ABCA7: variants seen among roughly 807,000 people sequenced by gnomAD.
The protein encoded by ABCA7 is ATP binding cassette subfamily A member 7, also known as phospholipid-transporting ATPase ABCA7.
ABCA7 carries 261 observed loss-of-function variants against 227.6 expected under a neutral mutation model. The observed-to-expected ratio is 1.15, with a 90% CI of 1.04 to 1.27. The LOEUF is 1.27. ABCA7 is among the 50% of genes most tolerant of loss of function. The probability of loss-of-function intolerance (pLI) is 0.00; values close to 1 mark genes in which losing one functional copy is unlikely to be tolerated. For missense variants in ABCA7, 3,331 were observed against 2,924.5 expected, an observed-to-expected ratio of 1.14 and a Z score of -3.21; for synonymous variants, 1,488 against 1,279.7, an observed-to-expected ratio of 1.16 and a Z score of -3.47.
chr19:1,063,709 G>C, intron 43 of ABCA7, 31 bp downstream of exon 43: 1 of 1,559,984 alleles, frequency 6.4e-7, no homozygotes, highest in Non-Finnish European at 8.7e-7. Flanking sequence ...GGTGGGGTGG[G>C]GCCTGCGACG....
In ABCA7 at chr19:1,046,828, T is replaced by G; in HGVS notation, c.1649T>G (p.Leu550Arg). Reference protein sequence around the residue: ...DVFLRVLSRSLPLFLTLAWIY... With the variant: ...DVFLRVLSRSRPLFLTLAWIY... Reference sequence around the variant, plus strand: ...TTCCTGCGTGTGCTGAGCCGGTCGCTGCCGCTCTTCCTGACGCTGGCCTGG... The same window carrying G: ...TTCCTGCGTGTGCTGAGCCGGTCGCGGCCGCTCTTCCTGACGCTGGCCTGG... The change falls in exon 14 of 47, where the codon CTG becomes CGG. Residue 550 changes from leucine to arginine, a missense_variant. Leu to Arg is a moderately radical substitution (Grantham distance 102). Coordinates refer to ENST00000263094, the MANE Select transcript of ABCA7 (RefSeq NM_019112.4). 6.5e-7 allele frequency: 1 copy of G among 1,539,510 alleles called. No individual in the cohort carries two copies. Among genetic ancestry groups the G allele is most frequent in the South Asian group, 1.2e-5 (1 of 84,116 alleles).
chr19:1,044,902 G>A, intron 11 of ABCA7, 100 bp from the exon 12 acceptor site: 2 of 1,519,176 alleles, frequency 1.3e-6, no homozygotes, highest in South Asian at 1.2e-5. Context: ...GGGCCTACGA[G>A]GGGAAAACAT....
At position 1,054,132 on chromosome 19, in the gene ABCA7, TG is replaced by T. The variant is rs2042029029; in HGVS notation, c.3577+26del. The T allele has an allele frequency of 2.5e-6, 4 of 1,612,656 alleles. No homozygotes were observed. Among genetic ancestry groups the T allele is most frequent in the East Asian group, 4.5e-5 (2 of 44,872 alleles). ...CCAGGTAAGTCCTTCCCAGTGGCCCTGGGGTCCTCCCAGCCACCCCCCCACA... is the reference window on the plus strand; with the variant it reads ...CCAGGTAAGTCCTTCCCAGTGGCCCTGGGTCCTCCCAGCCACCCCCCCACA... On this transcript the variant is annotated intron_variant, in intron 26 of 46. Transcript: ENST00000263094. This position sits in a 1 kb window ranked among gnomAD's most constrained non-coding sequence, Gnocchi z 4.8.
intron 6 of ABCA7, 96 bp from the exon 7 acceptor site, chr19:1,042,650 G>A (rs780328209): frequency 7.8e-7 from 1 of 1,284,564 alleles, no homozygotes; most frequent in Admixed American, 1.7e-5. Flanking sequence ...GTAAAGTGGG[G>A]GCTATGATAG....
At chr19:1,046,727 A>G in intron 13 of ABCA7, 75 bp from the exon 14 acceptor site, 1 of 1,412,468 alleles carries the variant, frequency 7.1e-7, no homozygotes, top group Non-Finnish European at 9.6e-7. Context: ...GACACGAACC[A>G]GTCGTGCCAG....
intron 34 of ABCA7, 35 bp from the exon 35 acceptor site, chr19:1,057,279 T>A: frequency 3.1e-6 from 5 of 1,610,430 alleles, no homozygotes; most frequent in Non-Finnish European, 4.2e-6. Flanking sequence ...CCCACCTCTT[T>A]AGGCTGATAA....
In ABCA7 at chr19:1,051,035, C is replaced by A; in HGVS notation, c.2667C>A (p.Tyr889Ter). The A allele has an allele frequency of 6.2e-7, 1 of 1,611,662 alleles. No homozygotes were observed. Among genetic ancestry groups the A allele is most frequent in the South Asian group, 1.1e-5 (1 of 90,978 alleles). Residue 889 changes from tyrosine (Y) to a stop codon, truncating the protein, a stop_gained, in exon 19 of 47, where the codon TAC (tyrosine) becomes TAA (stop). Transcript: ENST00000263094. LOFTEE classifies it high-confidence loss of function. ...IRPHLGVCPQ[Y>*]NVLFDMLTVD... ...CCCACCTGGGCGTCTGTCCTCAGTA[C>A]AACGTGCTGTTTGACATGTGCGTCT... is the stretch of plus-strand genomic sequence containing the variant.
intron 41 of ABCA7, 126 bp from the exon 42 acceptor site, chr19:1,062,046 G>C: frequency 6.7e-7 from 1 of 1,487,690 alleles, no homozygotes; most frequent in Non-Finnish European, 9.1e-7. Flanking sequence ...CGCGGACCAG[G>C]CCCTGAGACA....
In ABCA7 at chr19:1,045,107, T is replaced by G; in HGVS notation, c.1321T>G (p.Leu441Val). The change falls in exon 12 of 47, where the codon TTG becomes GTG. Residue 441 changes from leucine to valine, a missense_variant. Coordinates refer to ENST00000263094, the MANE Select transcript of ABCA7 (RefSeq NM_019112.4). The part of the protein sequence containing the change: ...EHRFWAGVVF[L>V]GPEDSSDPTE... Reference sequence around the variant, plus strand: ...TCGATTCTGGGCCGGCGTCGTCTTCTTGGGACCTGAGGACTCTTCAGACCC... The same window carrying G: ...TCGATTCTGGGCCGGCGTCGTCTTCGTGGGACCTGAGGACTCTTCAGACCC... The G allele has an allele frequency of 6.2e-7, 1 of 1,612,932 alleles. No individual in the cohort carries two copies. The highest frequency in any genetic ancestry group is 8.5e-7 in the Non-Finnish European group (1 of 1,179,972).
Position 1,043,112 on chromosome 19 carries a change from G to A in ABCA7, c.651G>A (p.Leu217=). ...LQRPRGTSGP[L]ELLSEALCSV... Reference sequence around the variant, plus strand: ...GACCCCGAGGGACCAGCGGCCCCCTGGAGTTGCTGTCAGAGGCCCTCTGCA... The same window carrying A: ...GACCCCGAGGGACCAGCGGCCCCCTAGAGTTGCTGTCAGAGGCCCTCTGCA... The change falls in exon 8 of 47, where the codon CTG becomes CTA. Residue 217 remains leucine (L), a synonymous_variant. Coordinates refer to ENST00000263094, the MANE Select transcript of ABCA7 (RefSeq NM_019112.4). The A allele has an allele frequency of 6.2e-7, 1 of 1,612,606 alleles. No individual in the cohort carries two copies. The highest frequency in any genetic ancestry group is 8.5e-7 in the Non-Finnish European group (1 of 1,179,652).
Position 1,056,040 on chromosome 19 carries a change from C to T in ABCA7, c.4239-26C>T. On this transcript the variant is annotated intron_variant, in intron 31 of 46. Coordinates refer to ENST00000263094, the MANE Select transcript of ABCA7 (RefSeq NM_019112.4). The surrounding 1 kb of genome is among the most constrained non-coding windows in gnomAD (Gnocchi z 4.3). The stretch of plus-strand genomic sequence containing the variant: ...CCCGGCCCCCCCGGCCCTCAGCTCC[C>T]CTTCCCTGCCTGCATGGCCCCACAG... The T allele has an allele frequency of 6.4e-7, 1 of 1,565,032 alleles. No homozygotes were observed. Among genetic ancestry groups the T allele is most frequent in the Non-Finnish European group, 8.7e-7 (1 of 1,151,504 alleles).
At chr19:1,060,207 A>ATATATATATATATATATATATT in intron 40 of ABCA7, among the ~76,000 whole-genome samples, 2 of 96,770 alleles carry the variant, frequency 2.1e-5, no homozygotes, top group African/African-American at 7.0e-5. Context: ...ATATATATAT[A>ATATATATATATATATATATATT]TTTTTTTTTC....
intron 16 of ABCA7, 55 bp from the exon 17 acceptor site, chr19:1,048,840 G>A (rs117485438): frequency 0.044 from 41,646 of 938,664 alleles, 1,356 homozygotes; most frequent in East Asian, 0.15. Context: ...CCCAAAAAAA[G>A]CCTGGTACAC....
At position 1,049,322 on chromosome 19, in the gene ABCA7, G is replaced by C. The variant is rs1236850133; in HGVS notation, c.2437G>C (p.Glu813Gln). Residue 813 changes from glutamate to glutamine, a missense_variant, in exon 18 of 47, where the codon GAG (glutamate) becomes CAG (glutamine). Coordinates refer to ENST00000263094, the MANE Select transcript of ABCA7 (RefSeq NM_019112.4). ...TCCTGGCGTCTCCGTTCGCAGCCTG[G>C]AGAAGCGCTTTCCTGGAAGCCCGCA... The part of the protein sequence containing the change: ...LSPGVSVRSL[E>Q]KRFPGSPQPA... 6.2e-7 allele frequency: 1 copy of C among 1,611,462 alleles called. No individual in the cohort carries two copies. Among genetic ancestry groups the C allele is most frequent in the East Asian group, 2.2e-5 (1 of 44,876 alleles).
chr19:1,041,014 C>G (rs1355693029), intron 1 of ABCA7, among the ~76,000 whole-genome samples: 1 of 152,090 alleles, frequency 6.6e-6, no homozygotes, highest in Non-Finnish European at 1.5e-5. Context: ...GGGGTGGAGC[C>G]TGGTGACGAA....
rs1214229161 is a variant in ABCA7, at chr19:1,040,186, GC to G, written c.-144del. 6.6e-6 allele frequency: 1 copy of G among 152,316 alleles called. No individual in the cohort carries two copies. Among genetic ancestry groups the G allele is most frequent in the Non-Finnish European group, 1.5e-5 (1 of 68,072 alleles). 9.4% of individuals were successfully genotyped at this position (152,316 alleles called of 1,614,324 possible). A position where few individuals can be genotyped will look rare whatever the true frequency, so the allele number is the denominator to read the frequency against. On this transcript the variant is annotated 5_prime_UTR_variant, in exon 1 of 47. Transcript: ENST00000263094. ...GAGGGAAGGCGGCAAGAGCTGCGGA[GC>G]CCCTGGAAGGTGAGAAGGACTCGGA...
chr19:1,054,432 C>T lies in ABCA7; in HGVS notation c.3726+91C>T. ...CAGTGGCCTAATCCAAACCCTTACCCCCGTGTGTATTCCCAACCCAAAGCA... is the reference window on the plus strand; with the variant it reads ...CAGTGGCCTAATCCAAACCCTTACCTCCGTGTGTATTCCCAACCCAAAGCA... On this transcript the variant is annotated intron_variant, in intron 27 of 46. Transcript: ENST00000263094. This position sits in a 1 kb window ranked among gnomAD's most constrained non-coding sequence, Gnocchi z 4.8. 2 of 1,550,878 alleles carry T rather than the reference C, an allele frequency of 1.3e-6. No individual in the cohort carries two copies. Among genetic ancestry groups the T allele is most frequent in the Non-Finnish European group, 1.7e-6 (2 of 1,150,412 alleles).
intron 7 of ABCA7, 103 bp from the exon 8 acceptor site, chr19:1,042,938 A>T (rs2040208957): frequency 6.6e-7 from 1 of 1,511,288 alleles, no homozygotes; most frequent in Non-Finnish European, 8.9e-7. Flanking sequence ...TTTCAGGAGG[A>T]TTAGACAGCG....
chr19:1,053,752 G>A (rs773428931), intron 24 of ABCA7, 36 bp from the exon 25 acceptor site: 55 of 1,597,462 alleles, frequency 3.4e-5, no homozygotes, highest in South Asian at 9.0e-5. Flanking sequence ...TCTCCCTGTC[G>A]GTGTCCAGTC....
Sources: gnomAD v4.1 joint callset for allele counts (sites outside exome capture counted in the v4.1 genomes callset) on GRCh38, gnomAD v4.1.1 for gene constraint, Gnocchi (gnomAD v3.1) non-coding constraint, MANE v1.5 for transcripts, NCBI Gene and HGNC (gene_info 2026-07-23, HGNC 2026-07-21) for gene names.